Variants in ANKFN1 observed in about 807,000 individuals in gnomAD.
The protein encoded by ANKFN1 is ankyrin repeat and fibronectin type-III domain-containing protein 1.
In ANKFN1, 74 loss-of-function variants were observed where a neutral mutation model predicts 108.7. That is an observed-to-expected ratio of 0.68 (90% confidence interval 0.56 to 0.83). ANKFN1 has a LOEUF of 0.83. ANKFN1 is among the 40% of genes least tolerant of loss of function. The pLI, the probability that ANKFN1 is intolerant of heterozygous loss-of-function variation, is 0.00. For synonymous variants in ANKFN1, 547 were observed against 516.2 expected (o/e 1.06, Z -0.81); for missense variants, 1,505 against 1,382.3 (o/e 1.09, Z -1.41).
intron 1 of ANKFN1, among the ~76,000 whole-genome samples, chr17:56,185,352 G>C (rs2143650980): frequency 6.6e-6 from 1 of 152,226 alleles, no homozygotes; most frequent in Non-Finnish European, 1.5e-5. Context: ...AAATAGAAAA[G>C]GAAAAAAGTT....
intron 11 of ANKFN1, among the ~76,000 whole-genome samples, chr17:56,451,413 T>A (rs2049482445): frequency 6.6e-6 from 1 of 152,142 alleles, no homozygotes; most frequent in Non-Finnish European, 1.5e-5. Flanking sequence ...GAAGGATAAA[T>A]GAAGAATAAG....
intron 4 of ANKFN1, among the ~76,000 whole-genome samples, chr17:56,086,226 G>C (rs1905312403): frequency 6.6e-6 from 1 of 150,732 alleles, no homozygotes. Flanking sequence ...GGCCAACATG[G>C]TGAAATCATC....
At chr17:56,499,163 G>A in intron 20 of ANKFN1, 65 bp downstream of exon 20, 1 of 1,440,476 alleles carries the variant, frequency 6.9e-7, no homozygotes, top group Non-Finnish European at 9.4e-7. Flanking sequence ...CTTCACTGAT[G>A]AGGACTTTTA....
chr17:56,307,241 C>G (rs1404187676), intron 3 of ANKFN1, among the ~76,000 whole-genome samples: 1 of 152,176 alleles, frequency 6.6e-6, no homozygotes, highest in Non-Finnish European at 1.5e-5. Flanking sequence ...TCTAATTAAA[C>G]TGAGGAACTT....
chr17:56,286,682 A>G (rs1598354495), intron 3 of ANKFN1, among the ~76,000 whole-genome samples: 1 of 152,094 alleles, frequency 6.6e-6, no homozygotes, highest in East Asian at 1.9e-4. Flanking sequence ...TTAACTCTCA[A>G]GTCACATAGC....
intron 4 of ANKFN1, among the ~76,000 whole-genome samples, chr17:56,328,389 A>G (rs886478554): frequency 2.0e-5 from 3 of 152,176 alleles, no homozygotes; most frequent in Non-Finnish European, 2.9e-5. Flanking sequence ...CTTTCATCAG[A>G]GACTCAATTA....
chr17:56,439,476 A>G (rs992599516), intron 8 of ANKFN1, among the ~76,000 whole-genome samples: 2 of 152,212 alleles, frequency 1.3e-5, no homozygotes, highest in African/African-American at 4.8e-5. Context: ...ATGAAAGCAT[A>G]TGATATCACA....
At chr17:56,315,318 A>G (rs895444993) in intron 3 of ANKFN1, among the ~76,000 whole-genome samples, 6 of 152,328 alleles carry the variant, frequency 3.9e-5, no homozygotes, top group Admixed American at 3.9e-4. Flanking sequence ...CTTTTCCTTG[A>G]TGCTGAAGAT....
intron 4 of ANKFN1, among the ~76,000 whole-genome samples, chr17:56,118,364 GTT>G (rs1272947928): frequency 6.6e-6 from 1 of 152,112 alleles, no homozygotes; most frequent in Non-Finnish European, 1.5e-5. Flanking sequence ...ATGAATGAAA[GTT>G]TTTGTTTTTC....
At chr17:56,124,661 A>T in intron 4 of ANKFN1, among the ~76,000 whole-genome samples, 1 of 152,022 alleles carries the variant, frequency 6.6e-6, no homozygotes, top group East Asian at 1.9e-4. Flanking sequence ...AACAACTCTC[A>T]TTACTTTTCT....
In ANKFN1 at chr17:56,466,437, A is replaced by T. The variant is rs1598659345; in HGVS notation, c.1639A>T (p.Ile547Phe). Reference sequence around the variant, plus strand: ...ACATGGAAACATACTCATAGTCACCATCAGGGAGGTGGAGATGCTTTATTC... The same window carrying T: ...ACATGGAAACATACTCATAGTCACCTTCAGGGAGGTGGAGATGCTTTATTC... Reference protein sequence around the residue: ...DRHGNILIVTIREVEMLYSFF... With the variant: ...DRHGNILIVTFREVEMLYSFF... The change falls in exon 15 of 21, where the codon ATC becomes TTC. Residue 547 changes from isoleucine (I) to phenylalanine (F), a missense_variant. Ile to Phe is a conservative substitution (Grantham distance 21). Transcript: ENST00000682825. 1.9e-6 allele frequency: 3 copies of T among 1,614,212 alleles called. No homozygotes were observed. The highest frequency in any genetic ancestry group is 2.2e-5 in the South Asian group (2 of 91,084).
At chr17:56,134,961 C>A (rs933816313) in intron 4 of ANKFN1, among the ~76,000 whole-genome samples, 3 of 152,078 alleles carry the variant, frequency 2.0e-5, no homozygotes, top group Non-Finnish European at 2.9e-5. Context: ...AGTAGGGGCA[C>A]TCTTTTTCCT....
intron 1 of ANKFN1, among the ~76,000 whole-genome samples, chr17:56,170,803 T>TATATATATATAC (rs1910609163): frequency 1.5e-5 from 1 of 68,060 alleles, no homozygotes; most frequent in African/African-American, 5.2e-5. Flanking sequence ...TATATATATA[T>TATATATATATAC]ATATACACAC....
intron 6 of ANKFN1, among the ~76,000 whole-genome samples, chr17:56,369,061 A>G (rs960376442): frequency 6.6e-6 from 1 of 152,246 alleles, no homozygotes; most frequent in African/African-American, 2.4e-5. Flanking sequence ...AAATACATTT[A>G]TTCTAGACTC....
At chr17:56,124,576 C>T (rs1177623662) in intron 4 of ANKFN1, among the ~76,000 whole-genome samples, 1 of 152,126 alleles carries the variant, frequency 6.6e-6, no homozygotes, top group Non-Finnish European at 1.5e-5. Context: ...CCACTCTAAC[C>T]CTCTTGTTCA....
rs138702494 is a variant in ANKFN1 at position 56,212,801 on chromosome 17, A to G, written c.12+122A>G. Among the ~76,000 whole-genome samples, 63 of 152,124 alleles carry G rather than the reference A, an allele frequency of 4.1e-4. 2 individuals carry two copies. In the East Asian group the frequency reaches 0.012, roughly 29 times the overall value. Reference sequence around the variant, plus strand: ...AGCACTACACCCAAAGGCGCAAACCACTCGCTCTAGTTCTTTACCTTGCAT... The same window carrying G: ...AGCACTACACCCAAAGGCGCAAACCGCTCGCTCTAGTTCTTTACCTTGCAT... On this transcript the variant is annotated intron_variant, in intron 2 of 20. Transcript: ENST00000682825.
At chr17:56,210,727 A>T (rs1017472963) in intron 1 of ANKFN1, among the ~76,000 whole-genome samples, 2 of 152,250 alleles carry the variant, frequency 1.3e-5, no homozygotes, top group Non-Finnish European at 2.9e-5. Context: ...GAGAGGCCTC[A>T]GGAAATCTAC....
intron 4 of ANKFN1, among the ~76,000 whole-genome samples, chr17:56,084,250 A>G (rs1393434107): frequency 6.6e-6 from 1 of 151,416 alleles, no homozygotes; most frequent in East Asian, 1.9e-4. Context: ...AGTGGGGACA[A>G]GGGAAACCAA....
At chr17:56,462,475 T>TC (rs912998894) in intron 14 of ANKFN1, among the ~76,000 whole-genome samples, 3 of 152,044 alleles carry the variant, frequency 2.0e-5, no homozygotes, top group African/African-American at 7.2e-5. Flanking sequence ...ATGCCTATAA[T>TC]CCCTGCTGCT....
Sources: gnomAD v4.1 joint callset for allele counts (sites outside exome capture counted in the v4.1 genomes callset) on GRCh38, gnomAD v4.1.1 for gene constraint, MANE v1.5 for transcripts, NCBI Gene and HGNC (gene_info 2026-07-23, HGNC 2026-07-21) for gene names.